Variants in RAD21 observed in about 807,000 individuals in gnomAD.
RAD21 encodes double-strand-break repair protein rad21 homolog.
Under a neutral mutation model 71.5 loss-of-function variants are expected in RAD21, and 18 were observed. The observed-to-expected ratio is 0.25, with a 90% CI of 0.17 to 0.37. The LOEUF (loss-of-function observed/expected upper bound fraction) is 0.37. Ranked by LOEUF, RAD21 falls within the 10% of genes least tolerant of loss-of-function variation. The probability of loss-of-function intolerance (pLI) is 1.00; values close to 1 mark genes in which losing one functional copy is unlikely to be tolerated. For missense variants in RAD21, 493 were observed against 769.1 expected, an observed-to-expected ratio of 0.64 and a Z score of 4.25; for synonymous variants, 248 against 254.0, an observed-to-expected ratio of 0.98 and a Z score of 0.22.
intron 2 of RAD21, among the ~76,000 whole-genome samples, chr8:116,865,260 T>C (rs942724277): frequency 1.3e-5 from 2 of 152,150 alleles, no homozygotes; most frequent in Non-Finnish European, 2.9e-5. Flanking sequence ...TCATACTCGT[T>C]TGTAGTGTCC....
chr8:116,866,008 G>A (rs965923399), intron 2 of RAD21, among the ~76,000 whole-genome samples: 2 of 152,062 alleles, frequency 1.3e-5, no homozygotes, highest in African/African-American at 4.8e-5. Flanking sequence ...TTATTAGTTT[G>A]TACAAATGTA....
intron 1 of RAD21, among the ~76,000 whole-genome samples, chr8:116,873,212 T>C (rs566854588): frequency 4.6e-4 from 70 of 152,348 alleles, no homozygotes; most frequent in South Asian, 1.0e-3. Flanking sequence ...TTCTTAGAAT[T>C]TGTATGTTTC....
At chr8:116,870,786 T>C (rs1220796346) in intron 1 of RAD21, among the ~76,000 whole-genome samples, 1 of 152,204 alleles carries the variant, frequency 6.6e-6, no homozygotes, top group Non-Finnish European at 1.5e-5. Flanking sequence ...TTACTAAATA[T>C]GTGCTTAATG....
chr8:116,858,384 C>T lies in RAD21; in HGVS notation c.449G>A (p.Gly150Glu), dbSNP rs746850747. The T allele has an allele frequency of 6.2e-7, 1 of 1,611,974 alleles. No individual in the cohort carries two copies. Among genetic ancestry groups the T allele is most frequent in the Admixed American group, 1.7e-5 (1 of 59,902 alleles). Residue 150 changes from glycine (G) to glutamate (E), a missense_variant, in exon 5 of 14, where the codon GGG becomes GAG. Transcript: ENST00000297338. ...VEEITMREEV[G>E]NISILQENDF... ...ATTTTCTTGTAAAATACTGATGTTC[C>T]CAACTTCTTCTCTCATGGTTATCTC...
chr8:116,862,110 G>C (rs1812603579), intron 3 of RAD21, among the ~76,000 whole-genome samples, 170 bp from the exon 4 acceptor site: 1 of 152,038 alleles, frequency 6.6e-6, no homozygotes, highest in Non-Finnish European at 1.5e-5. Flanking sequence ...CTCATAAATT[G>C]TATTCCTTGC....
intron 1 of RAD21, among the ~76,000 whole-genome samples, chr8:116,871,860 G>A (rs961479083): frequency 1.3e-5 from 2 of 152,200 alleles, no homozygotes; most frequent in Admixed American, 6.5e-5. Flanking sequence ...TAATGGAAGT[G>A]GAACTTGAAC....
At chr8:116,859,645 C>G (rs1033488401) in intron 4 of RAD21, among the ~76,000 whole-genome samples, 23 of 152,076 alleles carry the variant, frequency 1.5e-4, no homozygotes, top group African/African-American at 5.3e-4. Context: ...GTTCTGACTG[C>G]TCCTGCCCTC....
rs1488521872 is a variant in RAD21 at position 116,852,077 on chromosome 8, C to T, written c.1341G>A (p.Glu447=). 1.2e-6 allele frequency: 2 copies of T among 1,608,306 alleles called. No individual in the cohort carries two copies. The highest frequency in any genetic ancestry group is 2.2e-5 in the South Asian group (2 of 90,878). ...TCACTGACTCCTGGAGGCGGCTTGGCTCTTCAATAATGGGCTCATCTGCAA... is the reference window on the plus strand; with the variant it reads ...TCACTGACTCCTGGAGGCGGCTTGGTTCTTCAATAATGGGCTCATCTGCAA... ...RDVIDEPIIE[E]PSRLQESVME... Residue 447 remains glutamate (E), a synonymous_variant, in exon 11 of 14, where the codon GAG becomes GAA. Coordinates refer to ENST00000297338, the MANE Select transcript of RAD21 (RefSeq NM_006265.3).
chr8:116,860,191 C>T (rs1209879811), intron 4 of RAD21, among the ~76,000 whole-genome samples: 1 of 152,096 alleles, frequency 6.6e-6, no homozygotes, highest in Non-Finnish European at 1.5e-5. Context: ...GGAGTTACTT[C>T]TTATGGATGA....
intron 12 of RAD21, 122 bp from the exon 13 acceptor site, chr8:116,849,151 T>G (rs1812302735): frequency 1.6e-6 from 1 of 613,256 alleles, no homozygotes; most frequent in African/African-American, 1.9e-5. Flanking sequence ...AATAGAAAAC[T>G]GTACTTAATG....
chr8:116,857,526 G>T, intron 5 of RAD21, 53 bp from the exon 6 acceptor site: 2 of 1,429,124 alleles, frequency 1.4e-6, no homozygotes, highest in Non-Finnish European at 9.7e-7. Context: ...ATAGCACTGT[G>T]ATAAAAGAAA....
In RAD21 at chr8:116,874,673, G is replaced by A; in HGVS notation, c.-95C>T. The stretch of plus-strand genomic sequence containing the variant: ...CGGGGAGGGGAAAAGGGTCGGGGGA[G>A]GGGGTGGGGAAAGGGGGGAGCCCTT... On this transcript the variant is annotated 5_prime_UTR_variant, in exon 1 of 14. Transcript: ENST00000297338. 2 of 391,618 alleles carry A rather than the reference G, an allele frequency of 5.1e-6. No homozygotes were observed. The highest frequency in any genetic ancestry group is 1.8e-5 in the South Asian group (1 of 54,096). The allele number at this position is 391,618 out of a possible 1,614,324, so 24.3% of individuals were successfully genotyped here.
intron 1 of RAD21, among the ~76,000 whole-genome samples, chr8:116,873,915 C>A (rs1812901387): frequency 6.6e-6 from 1 of 152,178 alleles, no homozygotes; most frequent in Non-Finnish European, 1.5e-5. Context: ...AGGGGAAAAC[C>A]AATTATGCAA....
intron 1 of RAD21, among the ~76,000 whole-genome samples, chr8:116,869,476 T>G (rs1812765638): frequency 6.6e-6 from 1 of 152,094 alleles, no homozygotes; most frequent in East Asian, 1.9e-4. Flanking sequence ...TCCCAGCTAC[T>G]CAGGTGGCTG....
Position 116,851,864 on chromosome 8 carries a change from C to T in RAD21, c.1470+84G>A. On this transcript the variant is annotated intron_variant, in intron 11 of 13. Coordinates refer to ENST00000297338, the MANE Select transcript of RAD21 (RefSeq NM_006265.3). ...ACCATTTTCTGTCAAAACCAAGATA[C>T]TTTAAAAGGCCTCCCTAAATACCAC... 6.3e-6 allele frequency: 9 copies of T among 1,425,534 alleles called. No individual in the cohort carries two copies. The South Asian group carries it at 1.2e-4, about 20-fold the overall frequency. 88.3% of individuals were successfully genotyped at this position (1,425,534 alleles called of 1,614,324 possible).
intron 10 of RAD21, 86 bp downstream of exon 10, chr8:116,852,463 T>C: frequency 7.4e-7 from 1 of 1,343,960 alleles, no homozygotes; most frequent in Non-Finnish European, 1.0e-6. Flanking sequence ...TGATTCCTCA[T>C]TTCTTTCACT....
intron 2 of RAD21, among the ~76,000 whole-genome samples, 182 bp from the exon 3 acceptor site, chr8:116,863,441 C>T (rs945524994): frequency 7.2e-5 from 11 of 152,206 alleles, no homozygotes; most frequent in African/African-American, 2.2e-4. Context: ...CGAATTAACA[C>T]AAACATGAAG....
chr8:116,866,390 GA>G (rs779030493), intron 2 of RAD21, among the ~76,000 whole-genome samples, 195 bp downstream of exon 2: 4 of 151,812 alleles, frequency 2.6e-5, no homozygotes, highest in Non-Finnish European at 5.9e-5. Flanking sequence ...TGCACTTAGA[GA>G]TTTTTTTTAA....
At chr8:116,852,453 T>C in intron 10 of RAD21, 96 bp downstream of exon 10, 1 of 1,303,120 alleles carries the variant, frequency 7.7e-7, no homozygotes, top group Non-Finnish European at 1.0e-6. Context: ...AGTATATCTT[T>C]GATTCCTCAT....
Sources: gnomAD v4.1 joint callset for allele counts (sites outside exome capture counted in the v4.1 genomes callset) on GRCh38, gnomAD v4.1.1 for gene constraint, MANE v1.5 for transcripts, NCBI Gene and HGNC (gene_info 2026-07-23, HGNC 2026-07-21) for gene names.